The following NFATC1 variants were observed in gnomAD, a reference collection of about 807,000 sequenced individuals.
The protein encoded by NFATC1 is nuclear factor of activated T cells 1.
A neutral mutation model predicts 76.0 loss-of-function variants in NFATC1; 22 were observed. That is an observed-to-expected ratio of 0.29 (90% CI 0.21 to 0.41). The LOEUF is 0.41. Among genes scored for constraint, NFATC1 ranks in the 10% least tolerant of loss-of-function variants. NFATC1 has a pLI of 1.00. For synonymous variants in NFATC1, 704 were observed against 613.1 expected, an observed-to-expected ratio of 1.15 and a Z score of -2.19; for missense variants, 1,357 against 1,337.7, an observed-to-expected ratio of 1.01 and a Z score of -0.23.
At position 79,396,162 on chromosome 18, in the gene NFATC1, C is replaced by A; in HGVS notation, c.-63C>A. 7.3e-7 allele frequency: 1 copy of A among 1,377,818 alleles called. No individual in the cohort carries two copies. The highest frequency in any genetic ancestry group is 9.5e-7 in the Non-Finnish European group (1 of 1,052,214). 85.3% of individuals were successfully genotyped at this position (1,377,818 alleles called of 1,614,324 possible). On this transcript the variant is annotated 5_prime_UTR_variant, in exon 1 of 10. Coordinates refer to ENST00000427363, the MANE Select transcript of NFATC1 (RefSeq NM_001278669.2). ...CTTCCCGGAGACCCGACCCCGGCAGCGCGGGGCGGCCGCTTCTCCTGTGCC... is the reference window on the plus strand; with the variant it reads ...CTTCCCGGAGACCCGACCCCGGCAGAGCGGGGCGGCCGCTTCTCCTGTGCC...
rs1159907321 is a variant in NFATC1, at chr18:79,411,508, CGGCAGCGCGG to C, written c.1226+11_1226+20del. ...CCCCTACGTCCTACATGAGGTGAGCCGGCAGCGCGGGGCGGGACGGGGAGGCGAGGGGAGG... is the reference window on the plus strand; with the variant it reads ...CCCCTACGTCCTACATGAGGTGAGCCGGCGGGACGGGGAGGCGAGGGGAGG... On this transcript the variant is annotated splice_region_variant and intron_variant, in intron 2 of 9. Transcript: ENST00000427363. 4 of 1,472,560 alleles carry C rather than the reference CGGCAGCGCGG, an allele frequency of 2.7e-6. No homozygotes were observed. Among genetic ancestry groups the C allele is most frequent in the Non-Finnish European group, 3.6e-6 (4 of 1,113,456 alleles). The allele number at this position is 1,472,560 out of a possible 1,614,324, so 91.2% of individuals were successfully genotyped here.
intron 2 of NFATC1, among the ~76,000 whole-genome samples, chr18:79,423,396 G>A (rs574912436): frequency 4.6e-5 from 7 of 152,302 alleles, no homozygotes; most frequent in Admixed American, 3.3e-4. Flanking sequence ...CCATGCACCC[G>A]GCTGTCCACC....
chr18:79,501,382 C>T (rs563344998), intron 9 of NFATC1, among the ~76,000 whole-genome samples: 46 of 152,316 alleles, frequency 3.0e-4, no homozygotes, highest in Admixed American at 9.1e-4. Flanking sequence ...CACACTGAAT[C>T]GTCCAAGACG....
At chr18:79,416,066 A>G (rs1413915434) in intron 2 of NFATC1, among the ~76,000 whole-genome samples, 1 of 152,226 alleles carries the variant, frequency 6.6e-6, no homozygotes, top group Non-Finnish European at 1.5e-5. Flanking sequence ...CCGTCTCCAA[A>G]CAAACAAAAA....
At chr18:79,484,932 A>G (rs1379217857) in intron 8 of NFATC1, among the ~76,000 whole-genome samples, 1 of 152,244 alleles carries the variant, frequency 6.6e-6, no homozygotes, top group African/African-American at 2.4e-5. Flanking sequence ...CGCCGTCTCC[A>G]TCGTTCGCAG....
At chr18:79,413,149 G>A (rs78149888) in intron 2 of NFATC1, among the ~76,000 whole-genome samples, 1,601 of 152,286 alleles carry the variant, frequency 0.011, 17 homozygotes, top group South Asian at 0.04. Context: ...TGACAAAGTC[G>A]TCCATCACCG....
chr18:79,403,055 TC>T (rs1041649772), intron 1 of NFATC1, among the ~76,000 whole-genome samples: 3 of 152,242 alleles, frequency 2.0e-5, no homozygotes, highest in African/African-American at 4.8e-5. Flanking sequence ...GTCAGCCGGA[TC>T]CCCTGAGAAG....
rs1600830423 is a variant in NFATC1, at chr18:79,467,717, C to T, written c.2092+135C>T. The T allele has an allele frequency of 5.2e-6, 7 of 1,353,452 alleles. No homozygotes were observed. In the East Asian group the frequency reaches 2.0e-4, roughly 39 times the overall value. 83.8% of individuals were successfully genotyped at this position (1,353,452 alleles called of 1,614,324 possible). A position where few individuals can be genotyped will look rare whatever the true frequency, so the allele number is the denominator to read the frequency against. ...ACTGTGTGATGTCCCGTTAGTGAGACCGAGCCATCGATGCCCTGAAAAGGA... is the reference window on the plus strand; with the variant it reads ...ACTGTGTGATGTCCCGTTAGTGAGATCGAGCCATCGATGCCCTGAAAAGGA... On this transcript the variant is annotated intron_variant, in intron 8 of 9. Transcript: ENST00000427363.
intron 2 of NFATC1, among the ~76,000 whole-genome samples, chr18:79,415,021 GCCT>G (rs1309035398): frequency 3.3e-5 from 5 of 152,152 alleles, no homozygotes; most frequent in African/African-American, 1.2e-4. Context: ...TCATCGTTCG[GCCT>G]CCTCCACCTG....
At chr18:79,429,472 T>C (rs1036429511) in intron 2 of NFATC1, among the ~76,000 whole-genome samples, 3 of 152,130 alleles carry the variant, frequency 2.0e-5, no homozygotes, top group African/African-American at 4.8e-5. Flanking sequence ...GTCCTGAGCT[T>C]AGGGCTTCAG....
intron 1 of NFATC1, among the ~76,000 whole-genome samples, chr18:79,403,853 T>TG (rs2085347037): frequency 6.6e-6 from 1 of 152,212 alleles, no homozygotes; most frequent in Non-Finnish European, 1.5e-5. Context: ...TCGGGGGCTG[T>TG]GGCAGGAAAC....
intron 9 of NFATC1, among the ~76,000 whole-genome samples, chr18:79,509,566 C>A (rs1166897596): frequency 6.6e-6 from 1 of 152,236 alleles, no homozygotes; most frequent in East Asian, 1.9e-4. Context: ...TAGAGGGGCA[C>A]CCCTGCTCCC....
chr18:79,426,369 C>T (rs1457468619), intron 2 of NFATC1, among the ~76,000 whole-genome samples: 4 of 152,208 alleles, frequency 2.6e-5, no homozygotes, highest in African/African-American at 9.6e-5. Flanking sequence ...CGGCTCCTCC[C>T]GTGGAAAGGA....
chr18:79,451,657 C>T lies in NFATC1; in HGVS notation c.1763-19C>T. The T allele has an allele frequency of 1.9e-6, 3 of 1,570,968 alleles. No individual in the cohort carries two copies. Among genetic ancestry groups the T allele is most frequent in the Non-Finnish European group, 2.6e-6 (3 of 1,156,146 alleles). ...CCCACTCAGGACAGGCCCTCACTGC[C>T]CCTCTCCTTCTGATGCAGCCCAGCG... On this transcript the variant is annotated intron_variant, in intron 5 of 9. Coordinates refer to ENST00000427363, the MANE Select transcript of NFATC1 (RefSeq NM_001278669.2).
intron 2 of NFATC1, among the ~76,000 whole-genome samples, chr18:79,425,670 C>CG (rs144699364): frequency 0.1 from 15,843 of 152,238 alleles, 1,102 homozygotes; most frequent in Non-Finnish European, 0.15. Context: ...CCGGCGGAGT[C>CG]GGGGCGACTC....
chr18:79,433,705 G>A lies in NFATC1; in HGVS notation c.1353G>A (p.Val451=). 6.2e-7 allele frequency: 1 copy of A among 1,613,146 alleles called. No individual in the cohort carries two copies. The highest frequency in any genetic ancestry group is 8.5e-7 in the Non-Finnish European group (1 of 1,179,930). ...AGACGGAGGGCAGCCGGGGGGCCGT[G>A]AAGGCGTCGGCCGGAGGACACCCCA... The part of the protein sequence containing the change: ...HYETEGSRGA[V]KASAGGHPIV... Residue 451 remains valine, a synonymous_variant, in exon 3 of 10, where the codon GTG becomes GTA. Transcript: ENST00000427363.
intron 2 of NFATC1, chr18:79,422,190 C>T (rs1204556093): frequency 1.3e-5 from 2 of 152,208 alleles, no homozygotes; most frequent in Admixed American, 1.3e-4. Flanking sequence ...GTCTTGGCAC[C>T]ACTAGAAACG....
intron 7 of NFATC1, among the ~76,000 whole-genome samples, chr18:79,464,698 A>ATATATATT (rs1329123171): frequency 2.1e-5 from 2 of 94,874 alleles, no homozygotes; most frequent in African/African-American, 1.1e-4. Context: ...ATATATATTT[A>ATATATATT]TTTATTTATT....
intron 3 of NFATC1, among the ~76,000 whole-genome samples, chr18:79,438,816 C>T (rs892607122): frequency 2.0e-5 from 3 of 152,160 alleles, no homozygotes; most frequent in Admixed American, 6.5e-5. Context: ...CAGGGTGGGG[C>T]GGGCCCGCTG....
Sources: allele counts gnomAD v4.1 joint callset (sites outside exome capture counted in the v4.1 genomes callset), GRCh38; gene constraint gnomAD v4.1.1; transcripts MANE v1.5; gene names NCBI Gene and HGNC (gene_info 2026-07-23, HGNC 2026-07-21).